The following TBXAS1 variants were observed in gnomAD, a reference collection of about 807,000 sequenced individuals.
TBXAS1 encodes thromboxane A synthase 1.
TBXAS1 carries 48 observed loss-of-function variants against 60.7 expected under a neutral mutation model. The ratio of observed to expected loss-of-function variants is 0.79; its 90% CI spans 0.63 to 1.01. TBXAS1 has a LOEUF of 1.01. Ranked by LOEUF, TBXAS1 falls within the 50% of genes least tolerant of loss-of-function variation. TBXAS1 has a pLI of 0.00. For missense variants in TBXAS1, 685 were observed against 686.3 expected, an observed-to-expected ratio of 1.00 and a Z score of 0.02; for synonymous variants, 287 against 269.7, an observed-to-expected ratio of 1.06 and a Z score of -0.63.
At chr7:139,875,516 A>G in intron 2 of TBXAS1, 69 bp from the exon 3 acceptor site, 1 of 1,320,108 alleles carries the variant, frequency 7.6e-7, no homozygotes, top group Non-Finnish European at 1.1e-6. Context: ...CAAATTGTTT[A>G]CTGAATAAGT....
chr7:139,984,932 G>GAA (rs1475763365), intron 9 of TBXAS1, among the ~76,000 whole-genome samples: 4 of 79,630 alleles, frequency 5.0e-5, no homozygotes, highest in Non-Finnish European at 9.3e-5. Context: ...AGGAAAGAAA[G>GAA]AAAGAAAGAA....
intron 1 of TBXAS1, among the ~76,000 whole-genome samples, chr7:139,866,902 T>C (rs1801458653): frequency 6.6e-6 from 1 of 152,268 alleles, no homozygotes; most frequent in Non-Finnish European, 1.5e-5. Context: ...TTCTAGCTTT[T>C]GTGCCCAAAT....
At chr7:139,954,891 A>G (rs1279262094) in intron 6 of TBXAS1, among the ~76,000 whole-genome samples, 4 of 152,230 alleles carry the variant, frequency 2.6e-5, no homozygotes, top group Non-Finnish European at 5.9e-5. Context: ...TTGAGTGCTA[A>G]GAGCCCTTGC....
intron 9 of TBXAS1, chr7:139,962,555 A>C: frequency 2.8e-6 from 1 of 355,346 alleles, no homozygotes; most frequent in Non-Finnish European, 5.4e-6. Context: ...GGAAGGAGTC[A>C]TGGCTTCCCA....
intron 4 of TBXAS1, among the ~76,000 whole-genome samples, chr7:139,813,060 TAAATAAAATAAAATAAATA>T (rs1294858376): frequency 9.3e-5 from 13 of 139,202 alleles, no homozygotes; most frequent in African/African-American, 3.3e-4. Context: ...CGGTCTCAAA[TAAATAAAATAAAATAAATA>T]AAATAAAATA....
intron 1 of TBXAS1, among the ~76,000 whole-genome samples, chr7:139,839,676 CAAAAAA>C (rs1297739214): frequency 1.1e-5 from 1 of 89,308 alleles, no homozygotes; most frequent in South Asian, 3.5e-4. Flanking sequence ...CTGCTTCTAC[CAAAAAA>C]AAAAAAAAAA....
intron 1 of TBXAS1, among the ~76,000 whole-genome samples, chr7:139,834,760 C>A (rs1284216830): frequency 6.6e-6 from 1 of 152,050 alleles, no homozygotes; most frequent in African/African-American, 2.4e-5. Context: ...ATCCTCCTAG[C>A]TTAAATCAGG....
chr7:139,934,394 G>T (rs980031836), intron 4 of TBXAS1, among the ~76,000 whole-genome samples: 2 of 151,920 alleles, frequency 1.3e-5, no homozygotes, highest in South Asian at 2.1e-4. Flanking sequence ...CACCATGTTG[G>T]CCAGGCTGGT....
chr7:139,852,080 A>T lies in TBXAS1; in HGVS notation c.90-20155A>T, dbSNP rs1033744667. Among the ~76,000 whole-genome samples the T allele has an allele frequency of 6.6e-6, 1 of 152,256 alleles. No individual in the cohort carries two copies. The highest frequency in any genetic ancestry group is 1.9e-4 in the East Asian group (1 of 5,204). ...GCCAGCTACAGCTCCATAAGCAAGC[A>T]TGGACACCATTCTCCAGCTTGACCC... is the stretch of plus-strand genomic sequence containing the variant. On this transcript the variant is annotated intron_variant, in intron 1 of 12. Coordinates refer to ENST00000448866, the MANE Select transcript of TBXAS1 (RefSeq NM_001061.7). The surrounding 1 kb of genome is among the most constrained non-coding windows in gnomAD (Gnocchi z 4.4).
At chr7:139,976,909 T>G (rs891979583) in intron 9 of TBXAS1, among the ~76,000 whole-genome samples, 2 of 152,152 alleles carry the variant, frequency 1.3e-5, no homozygotes, top group African/African-American at 4.8e-5. Context: ...AAGTCCCTCA[T>G]CAGATTATCA....
In TBXAS1 at chr7:139,905,199, C is replaced by T. The variant is rs183419496; in HGVS notation, c.237-6026C>T. Among the ~76,000 whole-genome samples, 6 of 151,834 alleles carry T rather than the reference C, an allele frequency of 4.0e-5. No individual in the cohort carries two copies. In the East Asian group the frequency reaches 1.2e-3, roughly 29 times the overall value. On this transcript the variant is annotated intron_variant, in intron 3 of 12. Transcript: ENST00000448866. ...GGGCATCCTTGTCTTGTTCCAGTTC[C>T]GAGAGGGAATGCTTTCAGCTTTTCC...
At chr7:139,802,251 A>G (rs906088776) in intron 4 of TBXAS1, among the ~76,000 whole-genome samples, 5 of 152,158 alleles carry the variant, frequency 3.3e-5, no homozygotes, top group African/African-American at 1.2e-4. Context: ...AAAATATTCA[A>G]TTTTAACACT....
intron 10 of TBXAS1, among the ~76,000 whole-genome samples, chr7:140,011,625 A>G (rs1335977930): frequency 6.6e-6 from 1 of 152,028 alleles, no homozygotes; most frequent in Non-Finnish European, 1.5e-5. Context: ...GGACTCACTC[A>G]GAGGAGCCAA....
At position 139,844,134 on chromosome 7, in the gene TBXAS1, C is replaced by T. The variant is rs187738866; in HGVS notation, c.89+14655C>T. 2.0e-3 allele frequency among the ~76,000 whole-genome samples: 311 copies of T among 152,204 alleles called. 1 individual carries two copies. Among genetic ancestry groups the T allele is most frequent in the African/African-American group, 7.1e-3 (293 of 41,510 alleles). On this transcript the variant is annotated intron_variant, in intron 1 of 12. Transcript: ENST00000448866. ...AGGAGGGGATGATGGAATGCAGGAC[C>T]CAGCCACTTAGAATACGTGGTACAT...
intron 9 of TBXAS1, among the ~76,000 whole-genome samples, chr7:139,970,918 C>T (rs568752970): frequency 6.6e-6 from 1 of 152,124 alleles, no homozygotes; most frequent in Admixed American, 6.5e-5. Flanking sequence ...GGGGCTCCAC[C>T]CAGCCCCTTA....
At position 140,013,558 on chromosome 7, in the gene TBXAS1, G is replaced by A. The variant is rs773941861; in HGVS notation, c.1227-2165G>A. On this transcript the variant is annotated intron_variant, in intron 10 of 12. Coordinates refer to ENST00000448866, the MANE Select transcript of TBXAS1 (RefSeq NM_001061.7). This position sits in a 1 kb window ranked among gnomAD's most constrained non-coding sequence, Gnocchi z 4.2. ...CACGGGTGTTGGTTGTAAGAAACTG[G>A]TGGGGTAAGGAAGCTAGAACTCTCC... 3.3e-5 allele frequency among the ~76,000 whole-genome samples: 5 copies of A among 152,202 alleles called. No homozygotes were observed. The highest frequency in any genetic ancestry group is 5.9e-5 in the Non-Finnish European group (4 of 68,038).
intron 1 of TBXAS1, among the ~76,000 whole-genome samples, chr7:139,858,525 G>C (rs2116700576): frequency 6.6e-6 from 1 of 152,278 alleles, no homozygotes; most frequent in Non-Finnish European, 1.5e-5. Context: ...TTAATTAACT[G>C]TTTGTCAGTA....
intron 4 of TBXAS1, among the ~76,000 whole-genome samples, chr7:139,801,362 C>G (rs933196553): frequency 9.2e-5 from 14 of 152,272 alleles, no homozygotes; most frequent in African/African-American, 3.4e-4. Flanking sequence ...TTTCTAATAT[C>G]TTTAAATAGC....
chr7:139,950,634 C>T (rs1809132235), intron 5 of TBXAS1, among the ~76,000 whole-genome samples: 1 of 152,038 alleles, frequency 6.6e-6, no homozygotes, highest in East Asian at 1.9e-4. Flanking sequence ...TTCATGGAGC[C>T]ATTGCAGCTT....
Sources: gnomAD v4.1 joint callset for allele counts (sites outside exome capture counted in the v4.1 genomes callset) on GRCh38, gnomAD v4.1.1 for gene constraint, Gnocchi (gnomAD v3.1) non-coding constraint, MANE v1.5 for transcripts, NCBI Gene and HGNC (gene_info 2026-07-23, HGNC 2026-07-21) for gene names.